Variants in ZHX2 observed in about 807,000 individuals in gnomAD.
ZHX2 encodes zinc fingers and homeoboxes protein 2.
A neutral mutation model predicts 21.9 loss-of-function variants in ZHX2; 6 were observed. That is an observed-to-expected ratio of 0.27 (90% CI 0.15 to 0.54). The LOEUF (loss-of-function observed/expected upper bound fraction) is 0.54. Ranked by LOEUF, ZHX2 falls within the 20% of genes least tolerant of loss-of-function variation. The probability of loss-of-function intolerance (pLI) is 0.95; values close to 1 mark genes in which losing one functional copy is unlikely to be tolerated. For synonymous variants in ZHX2, 434 were observed against 437.1 expected (o/e 0.99, Z 0.09); for missense variants, 908 against 1,090.7 (o/e 0.83, Z 2.36).
intron 1 of ZHX2, among the ~76,000 whole-genome samples, chr8:122,846,700 G>A (rs1818759338): frequency 6.6e-6 from 1 of 151,756 alleles, no homozygotes. Flanking sequence ...CTAAGTTAGT[G>A]CAAAAGTAAC....
In ZHX2 at chr8:122,952,621, C is replaced by G. The variant is rs758317833; in HGVS notation, c.1111C>G (p.Leu371Val). The G allele has an allele frequency of 6.2e-7, 1 of 1,614,212 alleles. No individual in the cohort carries two copies. Among genetic ancestry groups the G allele is most frequent in the South Asian group, 1.1e-5 (1 of 91,082 alleles). The change falls in exon 3 of 4, where the codon CTC becomes GTC. Residue 371 changes from leucine (L) to valine (V), a missense_variant. Coordinates refer to ENST00000314393, the MANE Select transcript of ZHX2 (RefSeq NM_014943.5). The surrounding 1 kb of genome is among the most constrained non-coding windows in gnomAD (Gnocchi z 6.9). ...ILQTALPCQI[L>V]GQTSLVLTQV... ...CCAGACGGCTCTACCGTGCCAGATC[C>G]TCGGCCAGACTAGCCTGGTGCTGAC...
intron 3 of ZHX2, among the ~76,000 whole-genome samples, chr8:122,964,562 T>C (rs1195366661): frequency 6.6e-6 from 1 of 152,204 alleles, no homozygotes; most frequent in Non-Finnish European, 1.5e-5. Context: ...TGTTAAGGAT[T>C]TTTGCATCTA....
intron 1 of ZHX2, among the ~76,000 whole-genome samples, chr8:122,809,776 CA>C: frequency 6.6e-6 from 1 of 152,290 alleles, no homozygotes; most frequent in Admixed American, 6.5e-5. Context: ...TGCCCCATGC[CA>C]GCTATGTGAC....
At chr8:122,821,449 G>A (rs1228197478) in intron 1 of ZHX2, among the ~76,000 whole-genome samples, 1 of 151,942 alleles carries the variant, frequency 6.6e-6, no homozygotes, top group Non-Finnish European at 1.5e-5. Context: ...TTTGCAAATA[G>A]GGTAATTTAT....
intron 3 of ZHX2, among the ~76,000 whole-genome samples, chr8:122,959,581 TAA>T (rs1222568569): frequency 1.3e-5 from 2 of 152,216 alleles, no homozygotes; most frequent in Non-Finnish European, 2.9e-5. Flanking sequence ...CAGAGAATTT[TAA>T]AAGATAGTTG....
At chr8:122,781,502 G>GC (rs1452873904), upstream of ZHX2, 8 of 152,490 alleles carry the variant, frequency 5.2e-5, no homozygotes, top group African/African-American at 1.9e-4. The surrounding 1 kb of genome is among the most constrained non-coding windows in gnomAD (Gnocchi z 4.6). Flanking sequence ...TTTAGGGCTA[G>GC]CCTCCCCCCC....
chr8:122,942,500 G>A (rs775520926), intron 2 of ZHX2, among the ~76,000 whole-genome samples: 1 of 152,136 alleles, frequency 6.6e-6, no homozygotes, highest in Non-Finnish European at 1.5e-5. Context: ...CCCTGAGAGC[G>A]AGCAGCTCTT....
rs558976982 is a variant in ZHX2, at chr8:122,819,704, C to T, written c.-283+37758C>T. ...GGCCTCAGCCTGGCCCCACAGGCATCGGCATAGAAAGGACAAAGTTGACGA... is the reference window on the plus strand; with the variant it reads ...GGCCTCAGCCTGGCCCCACAGGCATTGGCATAGAAAGGACAAAGTTGACGA... On this transcript the variant is annotated intron_variant, in intron 1 of 3. Coordinates refer to ENST00000314393, the MANE Select transcript of ZHX2 (RefSeq NM_014943.5). Among the ~76,000 whole-genome samples the T allele has an allele frequency of 1.5e-3, 227 of 152,306 alleles. 1 individual carries two copies. Among genetic ancestry groups the T allele is most frequent in the African/African-American group, 4.9e-3 (205 of 41,570 alleles).
chr8:122,907,793 C>T (rs1820382855), intron 2 of ZHX2, among the ~76,000 whole-genome samples: 1 of 152,104 alleles, frequency 6.6e-6, no homozygotes, highest in Non-Finnish European at 1.5e-5. Flanking sequence ...CAAAGATGCA[C>T]CAAGTACCTG....
intron 2 of ZHX2, among the ~76,000 whole-genome samples, chr8:122,898,468 GA>G (rs1437785290): frequency 1.4e-4 from 21 of 151,980 alleles, no homozygotes; most frequent in Admixed American, 6.6e-5. Flanking sequence ...TTAAAGAAAT[GA>G]AAAAAAGGAG....
intron 2 of ZHX2, among the ~76,000 whole-genome samples, chr8:122,907,740 A>C (rs111277370): frequency 6.6e-6 from 1 of 152,194 alleles, no homozygotes; most frequent in Admixed American, 6.5e-5. Context: ...TAAAATGGCT[A>C]ATGACACTGC....
At chr8:122,821,920 G>T (rs900111718) in intron 1 of ZHX2, among the ~76,000 whole-genome samples, 1 of 152,084 alleles carries the variant, frequency 6.6e-6, no homozygotes, top group Non-Finnish European at 1.5e-5. Flanking sequence ...GGCCAGGCTG[G>T]TCTTGAACTC....
At chr8:122,832,717 A>T (rs1218122855) in intron 1 of ZHX2, among the ~76,000 whole-genome samples, 2 of 152,098 alleles carry the variant, frequency 1.3e-5, no homozygotes, top group African/African-American at 4.8e-5. Flanking sequence ...TTTCTTGCTT[A>T]GTTTGCGGAG....
At chr8:122,862,887 C>T (rs1819201031) in intron 1 of ZHX2, among the ~76,000 whole-genome samples, 1 of 152,146 alleles carries the variant, frequency 6.6e-6, no homozygotes, top group Non-Finnish European at 1.5e-5. Flanking sequence ...GGCTCAGGCC[C>T]CAACTTGCCG....
intron 1 of ZHX2, among the ~76,000 whole-genome samples, chr8:122,790,932 A>G (rs972503838): frequency 2.6e-5 from 4 of 152,144 alleles, no homozygotes; most frequent in African/African-American, 9.7e-5. Context: ...TGTTATCCCC[A>G]TTTAACAGAC....
intron 3 of ZHX2, among the ~76,000 whole-genome samples, chr8:122,955,443 T>G (rs1277247604): frequency 2.0e-5 from 3 of 152,188 alleles, no homozygotes; most frequent in African/African-American, 7.2e-5. Flanking sequence ...ACCTCTGTCT[T>G]AATGAACTTG....
chr8:122,861,475 G>C (rs1006909508), intron 1 of ZHX2, among the ~76,000 whole-genome samples: 4 of 152,172 alleles, frequency 2.6e-5, no homozygotes, highest in Non-Finnish European at 4.4e-5. Flanking sequence ...AAAAGTACTG[G>C]TCATGCACCC....
chr8:122,793,469 GT>G (rs1320824957), intron 1 of ZHX2, among the ~76,000 whole-genome samples: 1 of 152,224 alleles, frequency 6.6e-6, no homozygotes, highest in African/African-American at 2.4e-5. Flanking sequence ...CAAAGCCAGA[GT>G]GCATTGCCGT....
At chr8:122,914,695 C>T (rs1008954619) in intron 2 of ZHX2, among the ~76,000 whole-genome samples, 3 of 152,224 alleles carry the variant, frequency 2.0e-5, no homozygotes, top group African/African-American at 7.2e-5. Flanking sequence ...AAATCTCATG[C>T]GCTCATTCAG....
Sources: gnomAD v4.1 joint callset for allele counts (sites outside exome capture counted in the v4.1 genomes callset) on GRCh38, gnomAD v4.1.1 for gene constraint, Gnocchi (gnomAD v3.1) non-coding constraint, MANE v1.5 for transcripts, NCBI Gene and HGNC (gene_info 2026-07-23, HGNC 2026-07-21) for gene names.